GRID2: variants seen among roughly 807,000 people sequenced by gnomAD.
GRID2 encodes the protein glutamate receptor ionotropic, delta-2.
GRID2 carries 33 observed loss-of-function variants against 114.8 expected under a neutral mutation model. The observed-to-expected ratio is 0.29, with a 90% CI of 0.22 to 0.38. The LOEUF (loss-of-function observed/expected upper bound fraction) is 0.38, where lower values mean the gene tolerates loss of function less well. Ranked by LOEUF, GRID2 falls within the 10% of genes least tolerant of loss-of-function variation. The probability of loss-of-function intolerance (pLI) is 1.00; values close to 1 mark genes in which losing one functional copy is unlikely to be tolerated. For synonymous variants in GRID2, 505 were observed against 449.9 expected (o/e 1.12, Z -1.55); for missense variants, 1,184 against 1,257.7 (o/e 0.94, Z 0.89).
chr4:92,345,303 G>A (rs539309589), intron 1 of GRID2, among the ~76,000 whole-genome samples: 2 of 152,302 alleles, frequency 1.3e-5, no homozygotes, highest in African/African-American at 2.4e-5. Flanking sequence ...TCCATTTATG[G>A]CTGAGTAGTA....
chr4:93,019,193 G>T (rs935619939), intron 2 of GRID2, among the ~76,000 whole-genome samples: 2 of 152,066 alleles, frequency 1.3e-5, no homozygotes. Flanking sequence ...TTATGTCAGT[G>T]TTCCTACACA....
At chr4:93,223,676 ATT>A (rs998326236) in intron 6 of GRID2, among the ~76,000 whole-genome samples, 3 of 151,994 alleles carry the variant, frequency 2.0e-5, no homozygotes, top group African/African-American at 7.2e-5. Flanking sequence ...TTGATTCCTC[ATT>A]TTTTTTATTT....
At chr4:93,094,931 AAAG>A (rs746022097) in intron 3 of GRID2, among the ~76,000 whole-genome samples, 1 of 152,046 alleles carries the variant, frequency 6.6e-6, no homozygotes, top group African/African-American at 2.4e-5. Flanking sequence ...GTATTTGAAA[AAAG>A]AAAAGCTTAA....
At chr4:92,697,909 G>T (rs546097938) in intron 2 of GRID2, among the ~76,000 whole-genome samples, 5 of 152,010 alleles carry the variant, frequency 3.3e-5, no homozygotes, top group Non-Finnish European at 7.4e-5. Context: ...GAAGTCTAAG[G>T]TGAAAAAATA....
intron 8 of GRID2, among the ~76,000 whole-genome samples, chr4:93,248,074 A>G (rs1441736284): frequency 2.0e-5 from 2 of 101,156 alleles, no homozygotes; most frequent in Non-Finnish European, 3.9e-5. Flanking sequence ...TGTCACTCCA[A>G]TATCTAACAG....
At chr4:93,343,160 G>A (rs1759834207) in intron 8 of GRID2, among the ~76,000 whole-genome samples, 1 of 151,502 alleles carries the variant, frequency 6.6e-6, no homozygotes, top group Non-Finnish European at 1.5e-5. Flanking sequence ...GTGTGTGTGT[G>A]TGTGTGTGTG....
chr4:92,799,734 A>C (rs1740065083), intron 2 of GRID2, among the ~76,000 whole-genome samples: 1 of 152,032 alleles, frequency 6.6e-6, no homozygotes, highest in African/African-American at 2.4e-5. Flanking sequence ...ATAAAGTCAC[A>C]TTCTAAAGTA....
intron 2 of GRID2, among the ~76,000 whole-genome samples, chr4:92,740,730 A>G (rs200028765): frequency 1.4e-5 from 2 of 139,170 alleles, no homozygotes; most frequent in African/African-American, 5.8e-5. Flanking sequence ...ATAGATAGAT[A>G]GATAGATAGA....
chr4:92,928,677 A>G (rs1750008246), intron 2 of GRID2, among the ~76,000 whole-genome samples: 1 of 151,580 alleles, frequency 6.6e-6, no homozygotes, highest in Admixed American at 6.6e-5. Context: ...TCGCTTTAGT[A>G]CATAGGTAAT....
intron 14 of GRID2, among the ~76,000 whole-genome samples, chr4:93,749,098 C>A (rs1296870321): frequency 1.1e-4 from 17 of 152,114 alleles, no homozygotes; most frequent in Non-Finnish European, 2.4e-4. Context: ...TTTATTCCTC[C>A]TTCACTGTGT....
intron 2 of GRID2, among the ~76,000 whole-genome samples, chr4:93,031,435 A>C (rs766651334): frequency 1.3e-5 from 2 of 152,100 alleles, no homozygotes; most frequent in African/African-American, 2.4e-5. Context: ...CTGACACCAC[A>C]AGCATTTTGT....
At chr4:93,573,818 T>A (rs895681141) in intron 13 of GRID2, among the ~76,000 whole-genome samples, 1 of 152,110 alleles carries the variant, frequency 6.6e-6, no homozygotes. Flanking sequence ...GAGTTCCACA[T>A]GTAGATAAAA....
intron 1 of GRID2, among the ~76,000 whole-genome samples, chr4:92,387,161 T>C (rs1730003240): frequency 6.6e-6 from 1 of 151,864 alleles, no homozygotes; most frequent in African/African-American, 2.4e-5. Context: ...AAACCTTATA[T>C]ACTCAAAAAG....
chr4:92,609,140 C>T (rs897429712), intron 2 of GRID2, among the ~76,000 whole-genome samples: 1 of 151,720 alleles, frequency 6.6e-6, no homozygotes, highest in African/African-American at 2.4e-5. Context: ...TCACACACAG[C>T]TTGAAATACT....
At chr4:93,393,426 A>G (rs1011249579) in intron 8 of GRID2, among the ~76,000 whole-genome samples, 14 of 152,030 alleles carry the variant, frequency 9.2e-5, no homozygotes, top group Admixed American at 2.6e-4. Flanking sequence ...TGTAATATAT[A>G]TGAGAGAGTC....
intron 8 of GRID2, among the ~76,000 whole-genome samples, chr4:93,266,531 A>G (rs1259261857): frequency 1.3e-5 from 2 of 152,098 alleles, no homozygotes; most frequent in Admixed American, 6.6e-5. Flanking sequence ...AGACCAGCCA[A>G]TCATGGCATC....
At position 92,746,436 on chromosome 4, in the gene GRID2, G is replaced by A. The variant is rs183440280; in HGVS notation, c.244+156150G>A. Among the ~76,000 whole-genome samples the A allele has an allele frequency of 2.5e-3, 384 of 152,178 alleles. 1 individual carries two copies. The highest frequency in any genetic ancestry group is 8.5e-3 in the African/African-American group (353 of 41,552). On this transcript the variant is annotated intron_variant, in intron 2 of 15. Transcript: ENST00000282020. ...AATATTAAAGCCAGACCATCTAGAG[G>A]TTCCTTTATAGAGATGTTTAGTGGC...
intron 2 of GRID2, among the ~76,000 whole-genome samples, chr4:92,864,129 A>G (rs1267130715): frequency 6.6e-6 from 1 of 152,184 alleles, no homozygotes; most frequent in African/African-American, 2.4e-5. Context: ...GCAGTGTTTT[A>G]CAATAACAGG....
chr4:92,810,561 A>G (rs1352822577), intron 2 of GRID2, among the ~76,000 whole-genome samples: 2 of 152,086 alleles, frequency 1.3e-5, no homozygotes, highest in Non-Finnish European at 2.9e-5. Flanking sequence ...CTGGTAGCCC[A>G]TAAATTATAA....
Sources: gnomAD v4.1 joint callset for allele counts (sites outside exome capture counted in the v4.1 genomes callset) on GRCh38, gnomAD v4.1.1 for gene constraint, MANE v1.5 for transcripts, NCBI Gene and HGNC (gene_info 2026-07-23, HGNC 2026-07-21) for gene names.